The following PPP2R3B variants were observed in gnomAD, a reference collection of about 807,000 sequenced individuals.
The protein encoded by PPP2R3B is serine/threonine-protein phosphatase 2A regulatory subunit B'' subunit beta.
A neutral mutation model predicts 72.9 loss-of-function variants in PPP2R3B; 68 were observed. That is an observed-to-expected ratio of 0.93 (90% CI 0.77 to 1.14). The LOEUF is 1.14. PPP2R3B is among the 50% of genes most tolerant of loss of function. PPP2R3B has a pLI of 0.00. For synonymous variants in PPP2R3B, 466 were observed against 375.8 expected (o/e 1.24, Z -2.78); for missense variants, 1,018 against 842.0 (o/e 1.21, Z -2.59).
chrX:364,848 A>C (rs752707046), intron 1 of PPP2R3B, among the ~76,000 whole-genome samples: 41 of 36,992 alleles, frequency 1.1e-3, no homozygotes, highest in South Asian at 4.2e-3. Context: ...GCACCACTGC[A>C]CTCCAGCCTG....
rs934114526 is a variant in PPP2R3B, at chrX:334,489, G to A, written c.1606C>T (p.Gln536Ter). The A allele has an allele frequency of 1.9e-6, 3 of 1,578,738 alleles. No homozygotes were observed. The highest frequency in any genetic ancestry group is 2.3e-5 in the South Asian group (2 of 87,728). Residue 536 changes from glutamine to a stop codon, truncating the protein, a stop_gained, in exon 13 of 13, where the codon CAG (glutamine) becomes TAG (stop). Coordinates refer to ENST00000390665, the MANE Select transcript of PPP2R3B (RefSeq NM_013239.5). LOFTEE classifies it high-confidence loss of function. The stretch of plus-strand genomic sequence containing the variant: ...GGGGAGCGCAGCGCACTCAGCTTCT[G>A]CTCCACAGGGCTGAGCTCGGCCTCG... ...GFEAELSPVEQKLSALRSPLA... is the reference protein window; with the variant it reads ...GFEAELSPVE
At chrX:353,799 CTGGGGCT>C (rs2071378128) in intron 2 of PPP2R3B, among the ~76,000 whole-genome samples, 1 of 150,142 alleles carries the variant, frequency 6.7e-6, no homozygotes, top group Non-Finnish European at 1.5e-5. Context: ...CACCCAAAGA[CTGGGGCT>C]CACCCAAGGA....
chrX:347,135 G>A, intron 4 of PPP2R3B, 99 bp downstream of exon 4: 5 of 1,199,298 alleles, frequency 4.2e-6, no homozygotes, highest in Admixed American at 1.7e-5. Context: ...TGAGGGATGA[G>A]GCGTGTGGTG....
chrX:342,226 G>A lies in PPP2R3B; in HGVS notation c.1037-295C>T, dbSNP rs182881171. 4.4e-3 allele frequency: 2,538 copies of A among 570,474 alleles called. 13 individuals are homozygous for A. The highest frequency in any genetic ancestry group is 6.0e-3 in the Non-Finnish European group (1,897 of 318,248). 35.3% of individuals were successfully genotyped at this position (570,474 alleles called of 1,614,324 possible). A position where few individuals can be genotyped will look rare whatever the true frequency, so the allele number is the denominator to read the frequency against. ...GGCCTCAAAGGTACAGCTTTCAGAC[G>A]GAGAGAGAGACCTCGAGTGTGATCA... On this transcript the variant is annotated intron_variant, in intron 7 of 12. Coordinates refer to ENST00000390665, the MANE Select transcript of PPP2R3B (RefSeq NM_013239.5).
At chrX:354,047 T>TCGCC (rs2071388018) in intron 2 of PPP2R3B, among the ~76,000 whole-genome samples, 1 of 133,414 alleles carries the variant, frequency 7.5e-6, no homozygotes, top group Non-Finnish European at 1.5e-5. Context: ...GACCAGGGGC[T>TCGCC]CACCCAAAGA....
chrX:350,880 G>C (rs2071316325), intron 2 of PPP2R3B, among the ~76,000 whole-genome samples: 1 of 152,196 alleles, frequency 6.6e-6, no homozygotes, highest in South Asian at 2.1e-4. Context: ...GCCCGTGAGA[G>C]CCTGCACAGA....
chrX:347,347 A>T lies in PPP2R3B; in HGVS notation c.615-11T>A. 6.2e-7 allele frequency: 1 copy of T among 1,613,102 alleles called. No individual in the cohort carries two copies. The highest frequency in any genetic ancestry group is 8.5e-7 in the Non-Finnish European group (1 of 1,179,208). On this transcript the variant is annotated splice_polypyrimidine_tract_variant and intron_variant, in intron 3 of 12. Transcript: ENST00000390665. ...CAGTTCTGGAGGATTCTGGAAGGAC[A>T]GGATGACTGGGCACCACCCTCACAG...
chrX:337,311 A>C (rs1230946140), intron 12 of PPP2R3B: 2 of 151,918 alleles, frequency 1.3e-5, no homozygotes, highest in Non-Finnish European at 2.9e-5. Context: ...CGATCTCCTG[A>C]CCTCGTGATC....
chrX:339,276 G>GC (rs1046993452), intron 10 of PPP2R3B, among the ~76,000 whole-genome samples: 150 of 150,158 alleles, frequency 1.0e-3, no homozygotes, highest in Non-Finnish European at 1.9e-3. Flanking sequence ...CATGGCCGGG[G>GC]GGGGCAGGGC....
Position 344,849 on chromosome X carries a change from C to G in PPP2R3B, c.1036+667G>C, listed in dbSNP as rs139082242. On this transcript the variant is annotated intron_variant, in intron 7 of 12. Coordinates refer to ENST00000390665, the MANE Select transcript of PPP2R3B (RefSeq NM_013239.5). ...ACGGGTGCAGCTCACGTTCGGGGAA[C>G]CAGGCGTATTATGAGTCGACCACAC... The G allele has an allele frequency of 5.5e-3, 1,683 of 303,576 alleles. 34 individuals carry two copies. The highest frequency in any genetic ancestry group is 0.034 in the African/African-American group (1,563 of 45,924). 18.8% of individuals were successfully genotyped at this position (303,576 alleles called of 1,614,324 possible). A position where few individuals can be genotyped will look rare whatever the true frequency, so the allele number is the denominator to read the frequency against.
At chrX:372,180 C>T (rs1442151325) in intron 1 of PPP2R3B, among the ~76,000 whole-genome samples, 2 of 152,210 alleles carry the variant, frequency 1.3e-5, no homozygotes, top group African/African-American at 4.8e-5. Flanking sequence ...TGATCTCGCT[C>T]TTCGCAGGTT....
chrX:374,167 A>T (rs2071938108), intron 1 of PPP2R3B: 1 of 152,132 alleles, frequency 6.6e-6, no homozygotes, highest in South Asian at 2.1e-4. Context: ...CCCCGAGAAG[A>T]GAGCCTGGGG....
At chrX:351,508 G>C (rs1383701227) in intron 2 of PPP2R3B, among the ~76,000 whole-genome samples, 1 of 152,188 alleles carries the variant, frequency 6.6e-6, no homozygotes, top group Non-Finnish European at 1.5e-5. Flanking sequence ...CTGCAGGCTG[G>C]AGTGCAGTGT....
chrX:372,300 A>C lies in PPP2R3B; in HGVS notation c.325-10710T>G, dbSNP rs146902272. ...GAAGGAGTGCAAAAGTTGATGTGAG[A>C]TCTTACAGAAAAAATTTCAATTAAA... On this transcript the variant is annotated intron_variant, in intron 1 of 12. Transcript: ENST00000390665. Among the ~76,000 whole-genome samples, 601 of 152,328 alleles carry C rather than the reference A, an allele frequency of 3.9e-3. 2 individuals carry two copies. The highest frequency in any genetic ancestry group is 7.1e-3 in the Non-Finnish European group (480 of 68,034).
chrX:373,873 G>T (rs2071928780), intron 1 of PPP2R3B: 1 of 152,474 alleles, frequency 6.6e-6, no homozygotes, highest in African/African-American at 2.4e-5. Context: ...CGCCTCTCCC[G>T]ACCCGCGACT....
At position 386,676 on chromosome X, in the gene PPP2R3B, CT is replaced by C; in HGVS notation, c.15del (p.Val6CysfsTer6). On this transcript the variant is annotated frameshift_variant, in exon 1 of 13. Coordinates refer to ENST00000390665, the MANE Select transcript of PPP2R3B (RefSeq NM_013239.5). LOFTEE classifies it high-confidence loss of function. ...TTCATCTTCAGGACCGGCTGCAGCA[CT>C]TTGCCGGGCGGCATGGCGGGGGCTG... is the stretch of plus-strand genomic sequence containing the variant. The part of the protein sequence containing the change: MPPG[K>X]VLQPVLKMKV... 1 of 1,321,500 alleles carries C rather than the reference CT, an allele frequency of 7.6e-7. No individual in the cohort carries two copies. The allele number at this position is 1,321,500 out of a possible 1,614,324, so 81.9% of individuals were successfully genotyped here. A position where few individuals can be genotyped will look rare whatever the true frequency, so the allele number is the denominator to read the frequency against.
intron 2 of PPP2R3B, 65 bp from the exon 3 acceptor site, chrX:347,758 C>A: frequency 7.8e-7 from 1 of 1,276,624 alleles, no homozygotes. Flanking sequence ...CTGCTGCGTA[C>A]CTCGCGCCTG....
chrX:350,404 T>C (rs920752971), intron 2 of PPP2R3B, among the ~76,000 whole-genome samples: 1 of 152,142 alleles, frequency 6.6e-6, no homozygotes, highest in Non-Finnish European at 1.5e-5. Flanking sequence ...AGCGCAGGAC[T>C]CAGGGTCAGC....
chrX:385,866 A>AG (rs2072236127), intron 1 of PPP2R3B, among the ~76,000 whole-genome samples: 2 of 152,170 alleles, frequency 1.3e-5, no homozygotes, highest in African/African-American at 4.8e-5. Flanking sequence ...GGATCACTTG[A>AG]GGTCAGGAGT....
Sources: gnomAD v4.1 joint callset for allele counts (sites outside exome capture counted in the v4.1 genomes callset) on GRCh38, gnomAD v4.1.1 for gene constraint, MANE v1.5 for transcripts, NCBI Gene and HGNC (gene_info 2026-07-23, HGNC 2026-07-21) for gene names.